The following KIAA1614 variants were observed in gnomAD, a reference collection of about 807,000 sequenced individuals.
The protein encoded by KIAA1614 is uncharacterized protein KIAA1614.
In KIAA1614, 76 loss-of-function variants were observed where a neutral mutation model predicts 88.7. The ratio of observed to expected loss-of-function variants is 0.86; its 90% CI spans 0.71 to 1.04. The LOEUF is 1.04. Ranked by LOEUF, KIAA1614 falls within the 50% of genes least tolerant of loss-of-function variation. KIAA1614 has a pLI of 0.00. For synonymous variants in KIAA1614, 714 were observed against 675.5 expected, an observed-to-expected ratio of 1.06 and a Z score of -0.88; for missense variants, 1,553 against 1,582.5, an observed-to-expected ratio of 0.98 and a Z score of 0.32.
rs1187565555 is a variant in KIAA1614 at position 180,947,528 on chromosome 1, G to A, written c.*1940G>A. ...GACTATTTGCTGATGAGCTGGACAT[G>A]TAAGAGGAAGAGAGGACAGGTCTCT... On this transcript the variant is annotated 3_prime_UTR_variant, in exon 9 of 9. Coordinates refer to ENST00000367588, the MANE Select transcript of KIAA1614 (RefSeq NM_020950.2). 6.6e-6 allele frequency: 1 copy of A among 152,266 alleles called. No individual in the cohort carries two copies. The highest frequency in any genetic ancestry group is 1.5e-5 in the Non-Finnish European group (1 of 68,080). The allele number at this position is 152,266 out of a possible 1,614,324, so 9.4% of individuals were successfully genotyped here. A position where few individuals can be genotyped will look rare whatever the true frequency, so the allele number is the denominator to read the frequency against.
At chr1:180,926,889 G>A (rs878879253) in intron 3 of KIAA1614, among the ~76,000 whole-genome samples, 3 of 152,198 alleles carry the variant, frequency 2.0e-5, no homozygotes, top group Non-Finnish European at 2.9e-5. Flanking sequence ...CTGGAGATTC[G>A]CTTTCCCATC....
intron 2 of KIAA1614, 74 bp from the exon 3 acceptor site, chr1:180,917,777 A>G (rs1653852347): frequency 2.5e-6 from 3 of 1,187,532 alleles, no homozygotes; most frequent in African/African-American, 1.5e-5. Context: ...TCTTCTCCTC[A>G]GTGTTCACTA....
chr1:180,936,655 G>A lies in KIAA1614; in HGVS notation c.2746G>A (p.Glu916Lys), dbSNP rs1237821757. 1 of 1,533,910 alleles carries A rather than the reference G, an allele frequency of 6.5e-7. No individual in the cohort carries two copies. Among genetic ancestry groups the A allele is most frequent in the East Asian group, 2.3e-5 (1 of 42,744 alleles). Residue 916 changes from glutamate to lysine, a missense_variant, in exon 5 of 9, where the codon GAG becomes AAG. By Grantham distance (56) the Glu-to-Lys change is moderately conservative. Transcript: ENST00000367588. The part of the protein sequence containing the change: ...PCSREPEPPL[E>K]NSRDGGPQGF... ...CAGCCGGGAACCGGAGCCGCCCCTG[G>A]AGAACAGCAGAGATGGTAAGGGGCT... is the stretch of plus-strand genomic sequence containing the variant.
rs1167111735 is a variant in KIAA1614 at position 180,917,094 on chromosome 1, G to A, written c.991G>A (p.Ala331Thr). ...CTGGACTCCATCCTGGGACACAGCT[G>A]CACCAGGTGAAGCTCACTGTGTAGG... ...PAWTPSWDTA[A>T]PERPVGDVDW... The change falls in exon 2 of 9, where the codon GCA (alanine) becomes ACA (threonine). Residue 331 changes from alanine to threonine, a missense_variant. Ala to Thr is a moderately conservative substitution (Grantham distance 58). Transcript: ENST00000367588. 1 of 1,611,470 alleles carries A rather than the reference G, an allele frequency of 6.2e-7. No individual in the cohort carries two copies. Among genetic ancestry groups the A allele is most frequent in the Non-Finnish European group, 8.5e-7 (1 of 1,178,702 alleles).
rs192160718 is a variant in KIAA1614 at position 180,941,366 on chromosome 1, G to A, written c.3159+81G>A. 3.0e-4 allele frequency: 444 copies of A among 1,501,420 alleles called. No homozygotes were observed. The African/African-American group carries it at 5.7e-3, about 19-fold the overall frequency. 93.0% of individuals were successfully genotyped at this position (1,501,420 alleles called of 1,614,324 possible). A position where few individuals can be genotyped will look rare whatever the true frequency, so the allele number is the denominator to read the frequency against. ...CAGAATGAAAAGTGAAAGGAGGGAG[G>A]AGGTGATGAGGATGCCTCCCAAGGA... is the stretch of plus-strand genomic sequence containing the variant. On this transcript the variant is annotated intron_variant, in intron 7 of 8. Transcript: ENST00000367588.
In KIAA1614 at chr1:180,937,496, T is replaced by A. The variant is rs575651666; in HGVS notation, c.2761+826T>A. ...GGGGGTTGGCAGGCTCAGGCTCTGA[T>A]CCCTGGTGTTGTGATCCCAGGTGAC... On this transcript the variant is annotated intron_variant, in intron 5 of 8. Coordinates refer to ENST00000367588, the MANE Select transcript of KIAA1614 (RefSeq NM_020950.2). 3.3e-4 allele frequency among the ~76,000 whole-genome samples: 51 copies of A among 152,330 alleles called. No individual in the cohort carries two copies. In the South Asian group the frequency reaches 9.3e-3, roughly 28 times the overall value.
chr1:180,936,009 TC>T lies in KIAA1614; in HGVS notation c.2101del (p.Leu701TyrfsTer3). 1 of 1,614,018 alleles carries T rather than the reference TC, an allele frequency of 6.2e-7. No individual in the cohort carries two copies. Among genetic ancestry groups the T allele is most frequent in the Non-Finnish European group, 8.5e-7 (1 of 1,179,912 alleles). On this transcript the variant is annotated frameshift_variant, in exon 5 of 9. Coordinates refer to ENST00000367588, the MANE Select transcript of KIAA1614 (RefSeq NM_020950.2). LOFTEE classifies it high-confidence loss of function. ...GCAGAGGACACACGCCTGAAGGAAC[TC>T]TATTTTTGAGAGAAGATGCCAAGCC... ...EGRGHTPEGT[L>X]FLREDAKPPD...
At position 180,928,434 on chromosome 1, in the gene KIAA1614, G is replaced by A. The variant is rs374332282; in HGVS notation, c.1066G>A (p.Val356Ile). The change falls in exon 4 of 9, where the codon GTT (valine) becomes ATT (isoleucine). Residue 356 changes from valine (V) to isoleucine (I), a missense_variant. Coordinates refer to ENST00000367588, the MANE Select transcript of KIAA1614 (RefSeq NM_020950.2). ...SLQDSGQNRT[V>I]GPNPEPVLSP... Reference sequence around the variant, plus strand: ...GGCCTGTGTGCCACGCTGCAGGACCGTTGGTCCCAACCCGGAGCCTGTGCT... The same window carrying A: ...GGCCTGTGTGCCACGCTGCAGGACCATTGGTCCCAACCCGGAGCCTGTGCT... The A allele has an allele frequency of 3.7e-5, 59 of 1,611,378 alleles. No individual in the cohort carries two copies. Among genetic ancestry groups the A allele is most frequent in the African/African-American group, 3.6e-4 (27 of 74,990 alleles).
chr1:180,936,349 A>T lies in KIAA1614; in HGVS notation c.2440A>T (p.Arg814Trp). The change falls in exon 5 of 9, where the codon AGG (arginine) becomes TGG (tryptophan). Residue 814 changes from arginine (R) to tryptophan (W), a missense_variant. By Grantham distance (101) the Arg-to-Trp change is moderately radical. Transcript: ENST00000367588. ...CTGGGCGCCAACCCCTCCCCCTTCG[A>T]GGAAAACCACCTCGCCAGTGTCTCA... ...EGWAPTPPPS[R>W]KTTSPVSHRK... 6.2e-7 allele frequency: 1 copy of T among 1,614,068 alleles called. No individual in the cohort carries two copies. Among genetic ancestry groups the T allele is most frequent in the Non-Finnish European group, 8.5e-7 (1 of 1,179,974 alleles).
rs144111159 is a variant in KIAA1614 at position 180,950,407 on chromosome 1, C to T, written c.*4819C>T. The T allele has an allele frequency of 2.1e-4, 258 of 1,228,222 alleles. 1 individual carries two copies. The African/African-American group carries it at 3.4e-3, about 16-fold the overall frequency. 76.1% of individuals were successfully genotyped at this position (1,228,222 alleles called of 1,614,324 possible). A position where few individuals can be genotyped will look rare whatever the true frequency, so the allele number is the denominator to read the frequency against. ...TGTACTCAGGGCTGCTGGGGGTGGGCGATGAGATCCTCGAGGTGAACGGGG... is the reference window on the plus strand; with the variant it reads ...TGTACTCAGGGCTGCTGGGGGTGGGTGATGAGATCCTCGAGGTGAACGGGG... On this transcript the variant is annotated 3_prime_UTR_variant, in exon 9 of 9. Coordinates refer to ENST00000367588, the MANE Select transcript of KIAA1614 (RefSeq NM_020950.2).
chr1:180,916,481 C>T lies in KIAA1614; in HGVS notation c.378C>T (p.Ala126=), dbSNP rs375439826. Reference sequence around the variant, plus strand: ...GCAGACGAGGCAAGGCAGGGAGAGCCGGGACTCCATCAGAGGGGTCTTTCC... The same window carrying T: ...GCAGACGAGGCAAGGCAGGGAGAGCTGGGACTCCATCAGAGGGGTCTTTCC... The part of the protein sequence containing the change: ...PQCRRGKAGR[A]GTPSEGSFLP... Residue 126 remains alanine, a synonymous_variant, in exon 2 of 9, where the codon GCC becomes GCT. Coordinates refer to ENST00000367588, the MANE Select transcript of KIAA1614 (RefSeq NM_020950.2). The T allele has an allele frequency of 8.9e-5, 144 of 1,613,960 alleles. No individual in the cohort carries two copies. The highest frequency in any genetic ancestry group is 6.6e-4 in the Middle Eastern group (4 of 6,084).
intron 7 of KIAA1614, 149 bp downstream of exon 7, chr1:180,941,434 G>C (rs1654462483): frequency 3.1e-6 from 3 of 977,000 alleles, no homozygotes; most frequent in Non-Finnish European, 4.5e-6. Context: ...CCCCATGGTT[G>C]ACCCATGAGA....
intron 3 of KIAA1614, among the ~76,000 whole-genome samples, chr1:180,920,323 T>C (rs989000148): frequency 6.6e-6 from 1 of 152,276 alleles, no homozygotes; most frequent in African/African-American, 2.4e-5. Flanking sequence ...CCCTCGGCTC[T>C]ATGCCCCGGG....
Position 180,916,513 on chromosome 1 carries a change from G to A in KIAA1614, c.410G>A (p.Gly137Asp), listed in dbSNP as rs760279531. The A allele has an allele frequency of 1.9e-6, 3 of 1,614,044 alleles. No homozygotes were observed. The highest frequency in any genetic ancestry group is 2.7e-5 in the African/African-American group (2 of 75,072). Residue 137 changes from glycine (G) to aspartate (D), a missense_variant, in exon 2 of 9, where the codon GGT (glycine) becomes GAT (aspartate). Gly to Asp is a moderately conservative substitution (Grantham distance 94). Coordinates refer to ENST00000367588, the MANE Select transcript of KIAA1614 (RefSeq NM_020950.2). ...CCATCAGAGGGGTCTTTCCTGCCAG[G>A]TGCTGTGGTGGCTCCTCGTACCCAA... is the stretch of plus-strand genomic sequence containing the variant. ...GTPSEGSFLP[G>D]AVVAPRTQNL...
intron 4 of KIAA1614, among the ~76,000 whole-genome samples, chr1:180,932,552 T>C (rs938454682): frequency 2.6e-5 from 4 of 152,184 alleles, no homozygotes; most frequent in Non-Finnish European, 5.9e-5. Flanking sequence ...GCGGCTGTTG[T>C]GCCTGATGAA....
Position 180,928,577 on chromosome 1 carries a change from A to G in KIAA1614, c.1205+4A>G, listed in dbSNP as rs766459721. Reference sequence around the variant, plus strand: ...CCACCATTACCCAGGGCAGCCGGTGAGTGGGACCTGGGCCAGGCTAGCCTG... The same window carrying G: ...CCACCATTACCCAGGGCAGCCGGTGGGTGGGACCTGGGCCAGGCTAGCCTG... On this transcript the variant is annotated splice_donor_region_variant and intron_variant, in intron 4 of 8. Transcript: ENST00000367588. 3 of 1,611,136 alleles carry G rather than the reference A, an allele frequency of 1.9e-6. No homozygotes were observed. Among genetic ancestry groups the G allele is most frequent in the Non-Finnish European group, 2.5e-6 (3 of 1,178,822 alleles).
At chr1:180,920,063 C>T (rs1237403888) in intron 3 of KIAA1614, among the ~76,000 whole-genome samples, 3 of 152,066 alleles carry the variant, frequency 2.0e-5, no homozygotes, top group Non-Finnish European at 4.4e-5. Context: ...ATTCCAAGTA[C>T]CCTGCTGGCC....
At chr1:180,943,813 G>A (rs1339110419) in intron 7 of KIAA1614, among the ~76,000 whole-genome samples, 1 of 151,992 alleles carries the variant, frequency 6.6e-6, no homozygotes, top group African/African-American at 2.4e-5. Flanking sequence ...CTCCTAAAGT[G>A]CTGGGATTAC....
Position 180,944,761 on chromosome 1 carries a change from G to A in KIAA1614, c.3287+245G>A, listed in dbSNP as rs893226233. 7.2e-5 allele frequency: 26 copies of A among 362,976 alleles called. No homozygotes were observed. The South Asian group carries it at 1.0e-3, about 15-fold the overall frequency. The allele number at this position is 362,976 out of a possible 1,614,324, so 22.5% of individuals were successfully genotyped here. Reference sequence around the variant, plus strand: ...GTCGCTGGAGGGGGTAGAGTTGGCCGGTTTGATTCCACTGTCCCTCTGCTG... The same window carrying A: ...GTCGCTGGAGGGGGTAGAGTTGGCCAGTTTGATTCCACTGTCCCTCTGCTG... On this transcript the variant is annotated intron_variant, in intron 8 of 8. Coordinates refer to ENST00000367588, the MANE Select transcript of KIAA1614 (RefSeq NM_020950.2).
Sources: gnomAD v4.1 joint callset for allele counts (sites outside exome capture counted in the v4.1 genomes callset) on GRCh38, gnomAD v4.1.1 for gene constraint, MANE v1.5 for transcripts, NCBI Gene and HGNC (gene_info 2026-07-23, HGNC 2026-07-21) for gene names.